Variants in COL27A1 observed in about 807,000 individuals in gnomAD.
COL27A1 encodes the protein collagen alpha-1(XXVII) chain.
Under a neutral mutation model 251.3 loss-of-function variants are expected in COL27A1, and 106 were observed. That is an observed-to-expected ratio of 0.42 (90% CI 0.36 to 0.50). COL27A1 has a LOEUF of 0.50. COL27A1 is among the 20% of genes least tolerant of loss of function. The pLI, the probability that COL27A1 is intolerant of heterozygous loss-of-function variation, is 0.00. For missense variants in COL27A1, 2,325 were observed against 2,522.8 expected, an observed-to-expected ratio of 0.92 and a Z score of 1.68; for synonymous variants, 1,000 against 986.3, an observed-to-expected ratio of 1.01 and a Z score of -0.26.
At chr9:114,178,876 G>C (rs774093993) in intron 4 of COL27A1, among the ~76,000 whole-genome samples, 1 of 152,110 alleles carries the variant, frequency 6.6e-6, no homozygotes, top group Non-Finnish European at 1.5e-5. Context: ...TATGTGATGT[G>C]CCTGGCACCT....
intron 10 of COL27A1, 135 bp from the exon 11 acceptor site, chr9:114,209,540 C>G (rs761987405): frequency 1.2e-6 from 1 of 831,774 alleles, no homozygotes; most frequent in South Asian, 1.3e-5. Flanking sequence ...GAGGAGCCAC[C>G]GGAGCTGCCA....
At chr9:114,222,395 G>C (rs1831177283) in intron 14 of COL27A1, 128 bp downstream of exon 14, 1 of 878,778 alleles carries the variant, frequency 1.1e-6, no homozygotes, top group African/African-American at 1.7e-5. Flanking sequence ...CAAACCCCCA[G>C]AGGGGCTGGG....
At chr9:114,271,042 C>G (rs1482138904) in intron 36 of COL27A1, 5 of 486,172 alleles carry the variant, frequency 1.0e-5, no homozygotes, top group African/African-American at 1.0e-4. Flanking sequence ...AAAATATCAG[C>G]TTCTCTTGGC....
intron 12 of COL27A1, 53 bp from the exon 13 acceptor site, chr9:114,219,738 C>T: frequency 7.6e-7 from 1 of 1,316,232 alleles, no homozygotes; most frequent in East Asian, 2.3e-5. Context: ...AAAGCCCACC[C>T]TGAAGGTGAC....
chr9:114,224,186 A>C (rs994796865), intron 14 of COL27A1, among the ~76,000 whole-genome samples: 1 of 152,180 alleles, frequency 6.6e-6, no homozygotes, highest in Non-Finnish European at 1.5e-5. Flanking sequence ...GGAATTCGAG[A>C]ACTCTCTAGA....
chr9:114,162,588 C>A, intron 1 of COL27A1, 127 bp from the exon 2 acceptor site: 1 of 699,342 alleles, frequency 1.4e-6, no homozygotes, highest in Non-Finnish European at 2.5e-6. Flanking sequence ...TGTACCTGGC[C>A]TCCTGCCTCC....
At chr9:114,300,376 G>A in intron 50 of COL27A1, 1 of 587,480 alleles carries the variant, frequency 1.7e-6, no homozygotes, top group Non-Finnish European at 3.0e-6. Context: ...CTGTAAAATG[G>A]GAGCAATGAC....
In COL27A1 at chr9:114,167,738, C is replaced by A. The variant is rs1246237520; in HGVS notation, c.183C>A (p.Ser61Arg). Residue 61 changes from serine (S) to arginine (R), a missense_variant, in exon 3 of 61, where the codon AGC becomes AGA. Coordinates refer to ENST00000356083, the MANE Select transcript of COL27A1 (RefSeq NM_032888.4). ...GCCTCAGCTGGACGAAGGCCGGGAG[C>A]CCTGCACCCCCGGGAGTCATTCCTT... ...RLGLSWTKAG[S>R]PAPPGVIPFQ... 6.2e-7 allele frequency: 1 copy of A among 1,613,648 alleles called. No homozygotes were observed. The highest frequency in any genetic ancestry group is 8.5e-7 in the Non-Finnish European group (1 of 1,179,932).
At chr9:114,229,557 C>T (rs78518751) in intron 14 of COL27A1, among the ~76,000 whole-genome samples, 3,045 of 152,286 alleles carry the variant, frequency 0.02, 42 homozygotes, top group Admixed American at 0.035. Flanking sequence ...TGTGCCCCCA[C>T]CTCAGAGCAC....
intron 12 of COL27A1, 100 bp from the exon 13 acceptor site, chr9:114,219,691 G>A: frequency 1.2e-6 from 1 of 831,604 alleles, no homozygotes; most frequent in Admixed American, 1.8e-5. Flanking sequence ...GAGACTGCTT[G>A]GACATTGTCC....
intron 37 of COL27A1, among the ~76,000 whole-genome samples, chr9:114,280,737 C>A (rs1835851238): frequency 6.6e-6 from 1 of 152,218 alleles, no homozygotes. Flanking sequence ...TCCCGGGCCA[C>A]TGTTCCTGCC....
chr9:114,278,482 ATAATGG>A (rs1835684601), intron 37 of COL27A1, among the ~76,000 whole-genome samples: 1 of 61,362 alleles, frequency 1.6e-5, no homozygotes. Flanking sequence ...GGTGGTGGTG[ATAATGG>A]TGGTGGTGGT....
chr9:114,285,503 C>T (rs112699155), intron 41 of COL27A1, among the ~76,000 whole-genome samples: 4 of 152,186 alleles, frequency 2.6e-5, no homozygotes, highest in African/African-American at 7.2e-5. Flanking sequence ...CCTCCCCTCC[C>T]CTGCTGGCTC....
intron 24 of COL27A1, chr9:114,246,201 C>T: frequency 2.9e-6 from 1 of 344,006 alleles, no homozygotes; most frequent in Non-Finnish European, 5.2e-6. Flanking sequence ...ACTGCTCCCC[C>T]AGGACATTAA....
intron 10 of COL27A1, 58 bp downstream of exon 10, chr9:114,206,354 C>T: frequency 1.9e-6 from 3 of 1,545,014 alleles, no homozygotes; most frequent in Non-Finnish European, 2.7e-6. Flanking sequence ...ATCACCTGTC[C>T]CTCCAGTGGG....
intron 60 of COL27A1, among the ~76,000 whole-genome samples, 176 bp downstream of exon 60, chr9:114,309,654 A>G (rs1333407635): frequency 3.9e-5 from 6 of 152,180 alleles, no homozygotes; most frequent in Admixed American, 6.5e-5. Context: ...AATCGTTTTT[A>G]CTCACTTTCC....
intron 12 of COL27A1, among the ~76,000 whole-genome samples, chr9:114,213,493 T>A (rs60869479): frequency 6.6e-6 from 1 of 152,176 alleles, no homozygotes; most frequent in East Asian, 1.9e-4. Flanking sequence ...AAAGATTATT[T>A]GTTGAATATA....
chr9:114,212,563 G>T (rs1280064133), intron 12 of COL27A1, among the ~76,000 whole-genome samples: 1 of 152,184 alleles, frequency 6.6e-6, no homozygotes, highest in East Asian at 1.9e-4. Context: ...GTACTTGAGG[G>T]TTGGGATCTT....
chr9:114,239,260 C>G (rs1320578667), intron 19 of COL27A1, among the ~76,000 whole-genome samples: 1 of 152,260 alleles, frequency 6.6e-6, no homozygotes. Flanking sequence ...CTGCTAAGTT[C>G]TCACTTAGAG....
Sources: gnomAD v4.1 joint callset for allele counts (sites outside exome capture counted in the v4.1 genomes callset) on GRCh38, gnomAD v4.1.1 for gene constraint, MANE v1.5 for transcripts, NCBI Gene and HGNC (gene_info 2026-07-23, HGNC 2026-07-21) for gene names.